Variants in PRKCE observed in about 807,000 individuals in gnomAD.
PRKCE encodes the protein protein kinase C epsilon, also known as protein kinase C epsilon type.
PRKCE carries 16 observed loss-of-function variants against 85.4 expected under a neutral mutation model. The observed-to-expected ratio is 0.19, with a 90% CI of 0.13 to 0.28. The LOEUF (loss-of-function observed/expected upper bound fraction) is 0.28. Ranked by LOEUF, PRKCE falls within the 10% of genes least tolerant of loss-of-function variation. The probability of loss-of-function intolerance (pLI) is 1.00; values close to 1 mark genes in which losing one functional copy is unlikely to be tolerated. For missense variants in PRKCE, 573 were observed against 975.2 expected (o/e 0.59, Z 5.49); for synonymous variants, 388 against 371.5 (o/e 1.04, Z -0.51).
chr2:46,123,655 A>G (rs1673560789), intron 11 of PRKCE, among the ~76,000 whole-genome samples: 1 of 152,002 alleles, frequency 6.6e-6, no homozygotes, highest in East Asian at 1.9e-4. Context: ...TGCCCAACTA[A>G]TTTTTGTATT....
chr2:46,082,538 A>T (rs1172003245), intron 10 of PRKCE, among the ~76,000 whole-genome samples: 1 of 152,078 alleles, frequency 6.6e-6, no homozygotes, highest in Non-Finnish European at 1.5e-5. Flanking sequence ...CCGCAGTTGG[A>T]TGAGTGGTCC....
intron 11 of PRKCE, among the ~76,000 whole-genome samples, chr2:46,122,736 G>A (rs1281315517): frequency 6.6e-6 from 1 of 152,070 alleles, no homozygotes; most frequent in African/African-American, 2.4e-5. Flanking sequence ...CCACTGGGAA[G>A]ATAGCTGCAA....
intron 10 of PRKCE, chr2:46,010,765 G>A: frequency 1.3e-6 from 2 of 1,597,480 alleles, no homozygotes; most frequent in Middle Eastern, 1.7e-4. Context: ...GTTGGACAAA[G>A]CCAAATGGCT....
At chr2:46,003,520 C>A (rs901145373) in intron 7 of PRKCE, among the ~76,000 whole-genome samples, 6 of 152,130 alleles carry the variant, frequency 3.9e-5, no homozygotes, top group Non-Finnish European at 7.4e-5. Flanking sequence ...TCACTAGGGG[C>A]AATAAAAGTG....
In PRKCE at chr2:46,177,245, ATC is replaced by A. The variant is rs570760021; in HGVS notation, c.2068-7484_2068-7483del. 5.5e-3 allele frequency among the ~76,000 whole-genome samples: 845 copies of A among 152,328 alleles called. 11 individuals carry two copies. The highest frequency in any genetic ancestry group is 0.019 in the African/African-American group (803 of 41,574). On this transcript the variant is annotated intron_variant, in intron 14 of 14. Coordinates refer to ENST00000306156, the MANE Select transcript of PRKCE (RefSeq NM_005400.3). ...AGCCAGGACAACACAGCGAGATTTC[ATC>A]TCTCTACTTTATATACTTAAAAAAA...
chr2:46,017,934 T>A (rs1706304354), intron 10 of PRKCE, among the ~76,000 whole-genome samples: 1 of 152,190 alleles, frequency 6.6e-6, no homozygotes. Context: ...TGTCTCCTTC[T>A]CTGTCCTCCT....
chr2:46,117,307 G>T (rs17034548), intron 11 of PRKCE, among the ~76,000 whole-genome samples: 2,699 of 152,202 alleles, frequency 0.018, 73 homozygotes, highest in African/African-American at 0.062. Context: ...ACATCTACAT[G>T]CCTCTCTAGG....
chr2:45,784,606 G>T (rs184379932), intron 1 of PRKCE, among the ~76,000 whole-genome samples: 97 of 152,256 alleles, frequency 6.4e-4, no homozygotes, highest in African/African-American at 2.3e-3. Context: ...TTTAGATAAA[G>T]TAAGAACAGG....
chr2:46,155,087 C>A lies in PRKCE; in HGVS notation c.1920+3858C>A, dbSNP rs1223457058. Among the ~76,000 whole-genome samples, 1 of 152,136 alleles carries A rather than the reference C, an allele frequency of 6.6e-6. No homozygotes were observed. Among genetic ancestry groups the A allele is most frequent in the Non-Finnish European group, 1.5e-5 (1 of 68,036 alleles). ...CCCAGCAGGAGCTGTGGAAGGTGAA[C>A]AGGACTGGGTGGGGCAGGGTAAACG... is the stretch of plus-strand genomic sequence containing the variant. On this transcript the variant is annotated intron_variant, in intron 13 of 14. Transcript: ENST00000306156. The surrounding 1 kb of genome is among the most constrained non-coding windows in gnomAD (Gnocchi z 4.7).
intron 1 of PRKCE, among the ~76,000 whole-genome samples, chr2:45,670,825 G>A (rs1676124462): frequency 6.6e-6 from 1 of 152,218 alleles, no homozygotes. Context: ...TGAGAAACCT[G>A]CCTGACTACT....
At chr2:45,935,008 C>T (rs972286497) in intron 2 of PRKCE, among the ~76,000 whole-genome samples, 5 of 151,624 alleles carry the variant, frequency 3.3e-5, no homozygotes, top group Non-Finnish European at 5.9e-5. Flanking sequence ...CTGCAGTGAG[C>T]CATGATCATA....
intron 2 of PRKCE, among the ~76,000 whole-genome samples, chr2:45,974,368 C>T (rs1702299738): frequency 6.6e-6 from 1 of 152,138 alleles, no homozygotes; most frequent in South Asian, 2.1e-4. Flanking sequence ...GCTTTCTGTA[C>T]CCAGAAGGTC....
chr2:45,968,200 G>A (rs1204506785), intron 2 of PRKCE, among the ~76,000 whole-genome samples: 1 of 151,884 alleles, frequency 6.6e-6, no homozygotes, highest in African/African-American at 2.4e-5. Context: ...GCAAAGATAT[G>A]GAATCAATCT....
chr2:45,852,916 T>C (rs1692388198), intron 2 of PRKCE, among the ~76,000 whole-genome samples: 1 of 152,192 alleles, frequency 6.6e-6, no homozygotes, highest in Admixed American at 6.5e-5. Context: ...GGGGCTGAGA[T>C]TCTGCATTGC....
At chr2:46,043,623 G>T (rs1054859802) in intron 10 of PRKCE, among the ~76,000 whole-genome samples, 3 of 152,170 alleles carry the variant, frequency 2.0e-5, no homozygotes, top group African/African-American at 7.2e-5. Flanking sequence ...TGGGCAGTGG[G>T]GATGTGGTAG....
chr2:46,012,993 C>G (rs1195277610), intron 10 of PRKCE, among the ~76,000 whole-genome samples: 2 of 152,204 alleles, frequency 1.3e-5, no homozygotes, highest in Non-Finnish European at 2.9e-5. Context: ...AGGCCACTGT[C>G]AGGCAGCCAC....
chr2:45,958,473 C>T (rs1362046075), intron 2 of PRKCE, among the ~76,000 whole-genome samples: 1 of 147,746 alleles, frequency 6.8e-6, no homozygotes, highest in African/African-American at 2.5e-5. Context: ...CGCACCACTG[C>T]ACTCCAGCCT....
At position 45,891,675 on chromosome 2, in the gene PRKCE, G is replaced by A. The variant is rs184824674; in HGVS notation, c.412+48612G>A. ...AACAATCATGCAATGGGGATCTTCC[G>A]CACGTAGAGTGGGGGTTTCAGTGCT... On this transcript the variant is annotated intron_variant, in intron 2 of 14. Coordinates refer to ENST00000306156, the MANE Select transcript of PRKCE (RefSeq NM_005400.3). Among the ~76,000 whole-genome samples the A allele has an allele frequency of 1.4e-4, 22 of 152,306 alleles. No individual in the cohort carries two copies. In the East Asian group the frequency reaches 1.5e-3, roughly 11 times the overall value.
intron 1 of PRKCE, among the ~76,000 whole-genome samples, chr2:45,763,384 G>A (rs1033657167): frequency 5.9e-5 from 9 of 152,162 alleles, no homozygotes; most frequent in African/African-American, 1.9e-4. Context: ...TCTAGTGGAT[G>A]ATTAAGCCTA....
Sources: allele counts gnomAD v4.1 joint callset (sites outside exome capture counted in the v4.1 genomes callset), GRCh38; gene constraint gnomAD v4.1.1; non-coding constraint Gnocchi (gnomAD v3.1); transcripts MANE v1.5; gene names NCBI Gene and HGNC (gene_info 2026-07-23, HGNC 2026-07-21).